Variants in AJAP1 observed in about 807,000 individuals in gnomAD.
AJAP1 encodes the protein adherens junction-associated protein 1.
In AJAP1, 5 loss-of-function variants were observed where a neutral mutation model predicts 35.0. The observed-to-expected ratio is 0.14, with a 90% CI of 0.07 to 0.30. The LOEUF is 0.30. AJAP1 is among the 10% of genes least tolerant of loss of function. The probability of loss-of-function intolerance (pLI) is 1.00; values close to 1 mark genes in which losing one functional copy is unlikely to be tolerated. For missense variants in AJAP1, 586 were observed against 571.0 expected (o/e 1.03, Z -0.27); for synonymous variants, 284 against 249.3 (o/e 1.14, Z -1.31).
At chr1:4,725,102 T>G (rs986250951) in intron 2 of AJAP1, among the ~76,000 whole-genome samples, 2 of 152,168 alleles carry the variant, frequency 1.3e-5, no homozygotes, top group Non-Finnish European at 2.9e-5. Context: ...TGGAAGCACC[T>G]GGGGCGCCAG....
chr1:4,737,555 A>T (rs562463464), intron 2 of AJAP1, among the ~76,000 whole-genome samples: 1 of 151,578 alleles, frequency 6.6e-6, no homozygotes, highest in Non-Finnish European at 1.5e-5. Flanking sequence ...AGGCAGGGCC[A>T]GGGTGCCCAG....
chr1:4,780,047 G>T (rs1167565187), intron 5 of AJAP1, among the ~76,000 whole-genome samples: 1 of 150,706 alleles, frequency 6.6e-6, no homozygotes, highest in Non-Finnish European at 1.5e-5. Flanking sequence ...GGGAGGCTGA[G>T]GCAGGAGAAT....
chr1:4,771,991 A>T (rs1273213104), intron 3 of AJAP1, among the ~76,000 whole-genome samples: 2 of 152,116 alleles, frequency 1.3e-5, no homozygotes, highest in African/African-American at 4.8e-5. Flanking sequence ...GATGCTCTTT[A>T]GTTAAGCAGG....
chr1:4,676,073 T>G (rs574598560), intron 1 of AJAP1, among the ~76,000 whole-genome samples: 1 of 152,300 alleles, frequency 6.6e-6, no homozygotes, highest in African/African-American at 2.4e-5. Flanking sequence ...ACTCGTTTTG[T>G]GCATCTCCTC....
rs1423931732 is a variant in AJAP1, at chr1:4,782,201, A to G, written c.*60-344A>G. ...AGGCCCCCTGACATGCACGCCTGGG[A>G]CCGGATGCCCCGGCACCCCCACCAT... On this transcript the variant is annotated intron_variant, in intron 5 of 5. Coordinates refer to ENST00000378191, the MANE Select transcript of AJAP1 (RefSeq NM_018836.4). This position sits in a 1 kb window ranked among gnomAD's most constrained non-coding sequence, Gnocchi z 5.3. Among the ~76,000 whole-genome samples, 5 of 152,122 alleles carry G rather than the reference A, an allele frequency of 3.3e-5. No homozygotes were observed. The highest frequency in any genetic ancestry group is 1.3e-4 in the Admixed American group (2 of 15,280).
At chr1:4,707,975 T>TTG (rs70955794) in intron 1 of AJAP1, among the ~76,000 whole-genome samples, 2 of 48,450 alleles carry the variant, frequency 4.1e-5, no homozygotes, top group Non-Finnish European at 8.5e-5. Flanking sequence ...TTTTTTTTTG[T>TTG]TTTTTTTTTT....
chr1:4,744,864 G>A (rs1210995001), intron 2 of AJAP1, among the ~76,000 whole-genome samples: 10 of 152,154 alleles, frequency 6.6e-5, no homozygotes, highest in Non-Finnish European at 1.0e-4. Context: ...AAGTGTGACA[G>A]ACAAGCAGAG....
intron 2 of AJAP1, among the ~76,000 whole-genome samples, chr1:4,717,646 G>C (rs1359526156): frequency 6.6e-6 from 1 of 152,164 alleles, no homozygotes; most frequent in Non-Finnish European, 1.5e-5. Flanking sequence ...ATGTCCTTTA[G>C]GTATGTCCCT....
chr1:4,763,857 C>T (rs1641625224), intron 2 of AJAP1, among the ~76,000 whole-genome samples: 1 of 146,878 alleles, frequency 6.8e-6, no homozygotes, highest in African/African-American at 2.5e-5. Flanking sequence ...CTTCTCCAAC[C>T]TCCCCCTCCC....
chr1:4,763,875 T>C (rs1426593694), intron 2 of AJAP1, among the ~76,000 whole-genome samples: 1 of 134,282 alleles, frequency 7.4e-6, no homozygotes, highest in Non-Finnish European at 1.6e-5. Context: ...CCCTCCCTCT[T>C]TCTCCCCCAC....
intron 1 of AJAP1, among the ~76,000 whole-genome samples, chr1:4,672,318 G>A (rs911027137): frequency 2.0e-5 from 3 of 152,188 alleles, no homozygotes; most frequent in African/African-American, 7.2e-5. Context: ...TAGGAGCCCT[G>A]AAGGGCCACA....
At chr1:4,753,981 G>T (rs1641374422) in intron 2 of AJAP1, among the ~76,000 whole-genome samples, 2 of 152,104 alleles carry the variant, frequency 1.3e-5, no homozygotes, top group Non-Finnish European at 2.9e-5. Flanking sequence ...GCTTGGTTCT[G>T]TCCCCTGGTG....
rs1642125698 is a variant in AJAP1 at position 4,784,333 on chromosome 1, A to C, written c.*1848A>C. The C allele has an allele frequency of 6.6e-6, 1 of 152,168 alleles. No homozygotes were observed. The highest frequency in any genetic ancestry group is 2.4e-5 in the African/African-American group (1 of 41,436). 9.4% of individuals were successfully genotyped at this position (152,168 alleles called of 1,614,324 possible). On this transcript the variant is annotated 3_prime_UTR_variant, in exon 6 of 6. Transcript: ENST00000378191. Reference sequence around the variant, plus strand: ...TTCCTGTCCATGGGAGACGCCTAACATGGTGTGGGTCCCTGTCTCCAAAGA... The same window carrying C: ...TTCCTGTCCATGGGAGACGCCTAACCTGGTGTGGGTCCCTGTCTCCAAAGA...
At chr1:4,753,008 G>A (rs938774429) in intron 2 of AJAP1, among the ~76,000 whole-genome samples, 1 of 152,120 alleles carries the variant, frequency 6.6e-6, no homozygotes, top group African/African-American at 2.4e-5. Flanking sequence ...GGGTCCCCTT[G>A]TATGACCTTC....
At chr1:4,752,703 A>G (rs1400966403) in intron 2 of AJAP1, among the ~76,000 whole-genome samples, 5 of 152,108 alleles carry the variant, frequency 3.3e-5, no homozygotes, top group East Asian at 1.9e-4. Flanking sequence ...TTCTGCCACA[A>G]AGAAACAATC....
chr1:4,782,401 T>G lies in AJAP1; in HGVS notation c.*60-144T>G, dbSNP rs551680127. 16 of 202,578 alleles carry G rather than the reference T, an allele frequency of 7.9e-5. No individual in the cohort carries two copies. The South Asian group carries it at 2.8e-3, about 36-fold the overall frequency. The allele number at this position is 202,578 out of a possible 1,614,324, so 12.5% of individuals were successfully genotyped here. A position where few individuals can be genotyped will look rare whatever the true frequency, so the allele number is the denominator to read the frequency against. On this transcript the variant is annotated intron_variant, in intron 5 of 5. Transcript: ENST00000378191. The surrounding 1 kb of genome is among the most constrained non-coding windows in gnomAD (Gnocchi z 5.3). ...TGTCCACGTTCCAAGGACCCCTCCGTGTCAGTGAACCGATAAAGGGAGTGA... is the reference window on the plus strand; with the variant it reads ...TGTCCACGTTCCAAGGACCCCTCCGGGTCAGTGAACCGATAAAGGGAGTGA...
intron 1 of AJAP1, among the ~76,000 whole-genome samples, chr1:4,671,471 C>T (rs553656712): frequency 6.6e-6 from 1 of 152,214 alleles, no homozygotes; most frequent in South Asian, 2.1e-4. Flanking sequence ...CCCCAGCCCA[C>T]TTAGAGCCCA....
intron 1 of AJAP1, among the ~76,000 whole-genome samples, chr1:4,703,918 T>C (rs1640043098): frequency 6.6e-6 from 1 of 152,222 alleles, no homozygotes; most frequent in South Asian, 2.1e-4. Context: ...TAGGAATGCC[T>C]GGCAGTGCAG....
intron 2 of AJAP1, among the ~76,000 whole-genome samples, chr1:4,748,406 C>T (rs956830443): frequency 4.6e-5 from 7 of 152,260 alleles, no homozygotes; most frequent in South Asian, 2.1e-4. Flanking sequence ...ACTGCCTAGG[C>T]GTCGGCCTCT....
Sources: allele counts gnomAD v4.1 joint callset (sites outside exome capture counted in the v4.1 genomes callset), GRCh38; gene constraint gnomAD v4.1.1; non-coding constraint Gnocchi (gnomAD v3.1); transcripts MANE v1.5; gene names NCBI Gene and HGNC (gene_info 2026-07-23, HGNC 2026-07-21).